The following CDH18 variants were observed in gnomAD, a reference collection of about 807,000 sequenced individuals.
CDH18 encodes the protein cadherin 18.
CDH18 carries 31 observed loss-of-function variants against 67.9 expected under a neutral mutation model. That is an observed-to-expected ratio of 0.46 (90% CI 0.34 to 0.62). The LOEUF (loss-of-function observed/expected upper bound fraction) is 0.62, where lower values mean the gene tolerates loss of function less well. CDH18 is among the 20% of genes least tolerant of loss of function. The pLI is 0.01. For synonymous variants in CDH18, 362 were observed against 347.2 expected (o/e 1.04, Z -0.48); for missense variants, 890 against 975.5 (o/e 0.91, Z 1.17).
At chr5:20,452,537 A>G (rs1750530303) in intron 1 of CDH18, among the ~76,000 whole-genome samples, 1 of 152,134 alleles carries the variant, frequency 6.6e-6, no homozygotes, top group Non-Finnish European at 1.5e-5. Flanking sequence ...GTCCTGATTT[A>G]TAAGTAAGAG....
At chr5:20,473,539 T>C (rs527300629) in intron 1 of CDH18, among the ~76,000 whole-genome samples, 2 of 152,110 alleles carry the variant, frequency 1.3e-5, no homozygotes, top group African/African-American at 4.8e-5. Flanking sequence ...ATATATAATG[T>C]ATAAATTCAT....
intron 9 of CDH18, among the ~76,000 whole-genome samples, chr5:19,524,424 A>G (rs904131145): frequency 6.6e-6 from 1 of 151,408 alleles, no homozygotes; most frequent in Non-Finnish European, 1.5e-5. Context: ...AACATTAAAT[A>G]TCACTTTATT....
chr5:19,610,957 A>C (rs1297243528), intron 6 of CDH18, among the ~76,000 whole-genome samples: 1 of 152,174 alleles, frequency 6.6e-6, no homozygotes, highest in Non-Finnish European at 1.5e-5. Flanking sequence ...TGGCATCAAC[A>C]TTTTAAAATG....
intron 2 of CDH18, among the ~76,000 whole-genome samples, chr5:20,157,297 T>C (rs1430577310): frequency 1.3e-5 from 2 of 152,184 alleles, no homozygotes; most frequent in Non-Finnish European, 2.9e-5. Flanking sequence ...CAGAAGCACA[T>C]GGAGAATGAA....
intron 2 of CDH18, among the ~76,000 whole-genome samples, chr5:20,004,132 T>C (rs1479460048): frequency 6.6e-6 from 1 of 152,176 alleles, no homozygotes; most frequent in Non-Finnish European, 1.5e-5. Flanking sequence ...ATATCTCTCA[T>C]TTAGTTTTCT....
intron 5 of CDH18, 43 bp downstream of exon 5, chr5:19,721,303 CT>C (rs1766054626): frequency 6.6e-7 from 1 of 1,506,130 alleles, no homozygotes; most frequent in African/African-American, 1.4e-5. Flanking sequence ...TTGCAACTTA[CT>C]GTAGCAAACG....
chr5:20,261,960 T>C (rs74512645), intron 1 of CDH18, among the ~76,000 whole-genome samples: 3,867 of 151,972 alleles, frequency 0.025, 152 homozygotes, highest in African/African-American at 0.089. Context: ...CAGAGAAAAA[T>C]AGTTACATTC....
chr5:19,530,172 T>C (rs188663326), intron 9 of CDH18, among the ~76,000 whole-genome samples: 8 of 152,222 alleles, frequency 5.3e-5, no homozygotes, highest in Non-Finnish European at 1.2e-4. Flanking sequence ...CCATAACAAT[T>C]AATTGAGAAA....
chr5:20,536,858 G>A (rs970041353), intron 1 of CDH18, among the ~76,000 whole-genome samples: 2 of 152,078 alleles, frequency 1.3e-5, no homozygotes, highest in African/African-American at 4.8e-5. Context: ...ATATGAAAAT[G>A]GGAATGTTTT....
chr5:19,629,821 A>G (rs568869362), intron 5 of CDH18, among the ~76,000 whole-genome samples: 2 of 152,324 alleles, frequency 1.3e-5, no homozygotes, highest in South Asian at 2.1e-4. Context: ...CACACTATAT[A>G]GGGATCATTT....
chr5:19,930,664 C>A (rs1793592381), intron 2 of CDH18, among the ~76,000 whole-genome samples: 1 of 151,886 alleles, frequency 6.6e-6, no homozygotes, highest in Admixed American at 6.6e-5. Flanking sequence ...GAGTTCAGAG[C>A]AGCTCAATAG....
At chr5:19,568,457 C>T (rs561308004) in intron 8 of CDH18, among the ~76,000 whole-genome samples, 27 of 151,988 alleles carry the variant, frequency 1.8e-4, no homozygotes, top group Non-Finnish European at 3.5e-4. Flanking sequence ...TAGCACAACC[C>T]GACAATTCTG....
chr5:19,752,282 G>T (rs1326731170), intron 3 of CDH18, among the ~76,000 whole-genome samples: 1 of 152,102 alleles, frequency 6.6e-6, no homozygotes, highest in Admixed American at 6.5e-5. Flanking sequence ...TTAGCCGGCG[G>T]TAAGTCCTCA....
At chr5:20,519,723 A>ATT (rs34121579) in intron 1 of CDH18, among the ~76,000 whole-genome samples, 14 of 149,848 alleles carry the variant, frequency 9.3e-5, no homozygotes, top group South Asian at 4.2e-4. Flanking sequence ...TCCAAGTGTA[A>ATT]TTTTTTTTTT....
chr5:19,504,953 T>C (rs1743859967), intron 10 of CDH18, among the ~76,000 whole-genome samples: 1 of 152,156 alleles, frequency 6.6e-6, no homozygotes, highest in Non-Finnish European at 1.5e-5. Context: ...TTTCAGTTAG[T>C]ATACAAATTA....
rs558400483 is a variant in CDH18, at chr5:20,209,579, G to T, written c.-518+45865C>A. ...TATAATCAGTTGTTAGGTTAACATG[G>T]TTATCAGAGTCTGGGAAAATTGGCA... is the stretch of plus-strand genomic sequence containing the variant. On this transcript the variant is annotated intron_variant, in intron 2 of 14. Transcript: ENST00000507958. 4.1e-5 allele frequency among the ~76,000 whole-genome samples: 6 copies of T among 147,800 alleles called. No individual in the cohort carries two copies. The South Asian group carries it at 1.1e-3, about 26-fold the overall frequency.
rs191504041 is a variant in CDH18 at position 20,087,424 on chromosome 5, A to C, written c.-517-95410T>G. Reference sequence around the variant, plus strand: ...TGACTCCAATTTAGAAAGAAGTTTCACTGTGGGTAAAATGTCATTAAACAG... The same window carrying C: ...TGACTCCAATTTAGAAAGAAGTTTCCCTGTGGGTAAAATGTCATTAAACAG... On this transcript the variant is annotated intron_variant, in intron 2 of 14. Transcript: ENST00000507958. Among the ~76,000 whole-genome samples the C allele has an allele frequency of 4.7e-3, 721 of 152,276 alleles. 5 individuals are homozygous for C. Among genetic ancestry groups the C allele is most frequent in the Middle Eastern group, 0.044 (13 of 294 alleles).
intron 2 of CDH18, among the ~76,000 whole-genome samples, chr5:19,965,408 T>C (rs1797328091): frequency 6.6e-6 from 1 of 152,196 alleles, no homozygotes; most frequent in Non-Finnish European, 1.5e-5. Context: ...AACTTTGCTG[T>C]ATTCAATGTT....
At chr5:19,616,491 C>T (rs889919377) in intron 5 of CDH18, among the ~76,000 whole-genome samples, 3 of 152,086 alleles carry the variant, frequency 2.0e-5, no homozygotes, top group Admixed American at 6.6e-5. Flanking sequence ...TATTGCAATG[C>T]TCCTTTTCAT....
Sources: gnomAD v4.1 joint callset for allele counts (sites outside exome capture counted in the v4.1 genomes callset) on GRCh38, gnomAD v4.1.1 for gene constraint, MANE v1.5 for transcripts, NCBI Gene and HGNC (gene_info 2026-07-23, HGNC 2026-07-21) for gene names.